POLR1C: variants seen among roughly 807,000 people sequenced by gnomAD.
The protein encoded by POLR1C is DNA-directed RNA polymerases I and III subunit RPAC1.
POLR1C carries 42 observed loss-of-function variants against 38.3 expected under a neutral mutation model. The ratio of observed to expected loss-of-function variants is 1.10; its 90% CI spans 0.86 to 1.42. The LOEUF (loss-of-function observed/expected upper bound fraction) is 1.42, where lower values mean the gene tolerates loss of function less well. Ranked by LOEUF, POLR1C falls within the 40% of genes most tolerant of loss-of-function variation. The pLI, the probability that POLR1C is intolerant of heterozygous loss-of-function variation, is 0.00. For synonymous variants in POLR1C, 163 were observed against 163.9 expected (o/e 0.99, Z 0.04); for missense variants, 507 against 450.5 (o/e 1.13, Z -1.14).
chr6:43,545,025 A>G (rs1379055189), intron 9 of POLR1C, among the ~76,000 whole-genome samples: 1 of 152,048 alleles, frequency 6.6e-6, no homozygotes, highest in Admixed American at 6.6e-5. Context: ...GGCATGTGCC[A>G]CCATGCCCAG....
chr6:43,560,088 G>A, intron 10 of POLR1C: 1 of 1,465,262 alleles, frequency 6.8e-7, no homozygotes, highest in Non-Finnish European at 9.2e-7. Context: ...CATAGAGCTG[G>A]GATTATAGGC....
chr6:43,526,626 G>A (rs962207613), intron 8 of POLR1C: 1 of 1,593,754 alleles, frequency 6.3e-7, no homozygotes, highest in African/African-American at 1.3e-5. Context: ...ACCTGGTTCA[G>A]AAGGAACAGT....
At chr6:43,529,205 T>G in intron 8 of POLR1C, 2 of 1,429,006 alleles carry the variant, frequency 1.4e-6, no homozygotes, top group Non-Finnish European at 1.9e-6. Context: ...AAGGAGGACA[T>G]CCTTGTAACA....
downstream of POLR1C, chr6:43,526,075 C>T: frequency 1.4e-6 from 1 of 690,608 alleles, no homozygotes; most frequent in Non-Finnish European, 2.4e-6. Context: ...CCACATAATG[C>T]CCATGCCCAT....
At chr6:43,518,433 G>A (rs1792958262) in intron 2 of POLR1C, among the ~76,000 whole-genome samples, 1 of 152,234 alleles carries the variant, frequency 6.6e-6, no homozygotes, top group African/African-American at 2.4e-5. Flanking sequence ...CGGGAATGAT[G>A]ATGCATTGTT....
At chr6:43,524,596 T>C, downstream of POLR1C, 2 of 1,613,992 alleles carry the variant, frequency 1.2e-6, no homozygotes, top group Non-Finnish European at 1.7e-6. Flanking sequence ...ATTTCAGGGA[T>C]TTGCTCCATT....
intron 9 of POLR1C, among the ~76,000 whole-genome samples, chr6:43,545,014 A>G (rs1794895907): frequency 1.3e-5 from 2 of 152,226 alleles, no homozygotes; most frequent in African/African-American, 2.4e-5. Context: ...CTGGGATTAC[A>G]GGCATGTGCC....
intron 9 of POLR1C, among the ~76,000 whole-genome samples, chr6:43,535,645 C>T (rs765936670): frequency 1.1e-4 from 16 of 150,768 alleles, no homozygotes; most frequent in Non-Finnish European, 2.2e-4. Context: ...CCCATCTCTA[C>T]TAAAAATACA....
intron 9 of POLR1C, chr6:43,549,425 A>G (rs1191647258): frequency 5.4e-6 from 8 of 1,490,868 alleles, no homozygotes; most frequent in African/African-American, 1.4e-5. Context: ...AGGTACACTG[A>G]AAGCTGGATT....
At chr6:43,524,398 G>A, downstream of POLR1C, 1 of 1,495,156 alleles carries the variant, frequency 6.7e-7, no homozygotes, top group South Asian at 1.3e-5. Flanking sequence ...AATAACTACA[G>A]CTGGTTTATG....
intron 9 of POLR1C, among the ~76,000 whole-genome samples, chr6:43,543,410 A>T (rs1490493682): frequency 6.6e-6 from 1 of 152,190 alleles, no homozygotes; most frequent in East Asian, 1.9e-4. Flanking sequence ...CCGTGATCGC[A>T]ACACTGCACC....
chr6:43,543,278 A>G (rs1243425695), intron 9 of POLR1C, among the ~76,000 whole-genome samples: 1 of 151,916 alleles, frequency 6.6e-6, no homozygotes, highest in Non-Finnish European at 1.5e-5. Flanking sequence ...CATAGAGAGA[A>G]CCTATCTCTA....
At chr6:43,537,885 G>A (rs1794435184) in intron 9 of POLR1C, among the ~76,000 whole-genome samples, 1 of 151,868 alleles carries the variant, frequency 6.6e-6, no homozygotes, top group Non-Finnish European at 1.5e-5. Flanking sequence ...TGGGTAACAT[G>A]GCAAAACCCT....
exon 9 of POLR1C, chr6:43,529,378 TAAAAAA>T (rs35493258): frequency 4.1e-4 from 50 of 121,646 alleles, no homozygotes; most frequent in Admixed American, 8.1e-4. Context: ...CCGTCTCTAC[TAAAAAA>T]AAAAAAAAAA....
At chr6:43,525,296 G>A, downstream of POLR1C, 2 of 1,366,070 alleles carry the variant, frequency 1.5e-6, no homozygotes, top group Admixed American at 2.4e-5. Flanking sequence ...GGAGCCGGAG[G>A]GTTTTTTTTT....
intron 2 of POLR1C, among the ~76,000 whole-genome samples, chr6:43,518,707 A>G (rs923623111): frequency 2.6e-5 from 4 of 152,146 alleles, no homozygotes; most frequent in African/African-American, 9.7e-5. Context: ...TTTGCTTTTC[A>G]TGAGGCACTC....
At chr6:43,524,615 T>C (rs112085617), downstream of POLR1C, 151 of 1,613,988 alleles carry the variant, frequency 9.4e-5, 2 homozygotes, top group Middle Eastern at 2.3e-3. Flanking sequence ...TTACAGCTCT[T>C]ATCTCCAGGT....
chr6:43,548,515 G>A, intron 9 of POLR1C: 1 of 1,414,144 alleles, frequency 7.1e-7, no homozygotes, highest in Non-Finnish European at 9.4e-7. Flanking sequence ...TTTTCAAGGA[G>A]AGGTGGCTTA....
Position 43,517,140 on chromosome 6 carries a change from C to G in POLR1C, c.31C>G (p.Arg11Gly), listed in dbSNP as rs1456986600. 2.5e-6 allele frequency: 4 copies of G among 1,614,112 alleles called. No individual in the cohort carries two copies. The East Asian group carries it at 8.9e-5, about 36-fold the overall frequency. The change falls in exon 1 of 9, where the codon CGG becomes GGG. Residue 11 changes from arginine (R) to glycine (G), a missense_variant. Transcript: ENST00000642195. ...GGCTTCTCAGGCGGTGGAGGAAATG[C>G]GGAGCCGCGTGGTTCTGGGGGAGTT... MAASQAVEEM[R>G]SRVVLGEFGV...
Sources: allele counts gnomAD v4.1 joint callset (sites outside exome capture counted in the v4.1 genomes callset), GRCh38; gene constraint gnomAD v4.1.1; transcripts MANE v1.5; gene names NCBI Gene and HGNC (gene_info 2026-07-23, HGNC 2026-07-21).